The following PTPDC1 variants were observed in gnomAD, a reference collection of about 807,000 sequenced individuals.
The protein encoded by PTPDC1 is protein tyrosine phosphatase domain containing 1, also known as protein tyrosine phosphatase domain-containing protein 1.
PTPDC1 carries 53 observed loss-of-function variants against 75.3 expected under a neutral mutation model. The observed-to-expected ratio is 0.70, with a 90% CI of 0.56 to 0.88. The LOEUF (loss-of-function observed/expected upper bound fraction) is 0.88. Among genes scored for constraint, PTPDC1 ranks in the 40% least tolerant of loss-of-function variants. The pLI is 0.00. For missense variants in PTPDC1, 925 were observed against 998.6 expected, an observed-to-expected ratio of 0.93 and a Z score of 0.99; for synonymous variants, 349 against 366.2, an observed-to-expected ratio of 0.95 and a Z score of 0.54.
chr9:94,095,269 CATTA>C (rs769354970), intron 4 of PTPDC1, 44 bp from the exon 5 acceptor site: 4 of 1,486,136 alleles, frequency 2.7e-6, no homozygotes, highest in Non-Finnish European at 3.7e-6. Context: ...TTTGTACTTT[CATTA>C]ATTTCCTGTA....
chr9:94,049,647 T>C (rs1286707134), intron 1 of PTPDC1, among the ~76,000 whole-genome samples: 2 of 152,194 alleles, frequency 1.3e-5, no homozygotes, highest in African/African-American at 4.8e-5. Flanking sequence ...GCCCTTAACA[T>C]TTTTTCCTTC....
rs550436568 is a variant in PTPDC1, at chr9:94,062,073, C to A, written c.-6-2661C>A. On this transcript the variant is annotated intron_variant, in intron 1 of 9. Coordinates refer to the PTPDC1 transcript ENST00000375360. ...TCATGTCTTTGCTCATGCATATGAG[C>A]ATAGGCTTTTAGAAGCAGCCGGGTG... Among the ~76,000 whole-genome samples the A allele has an allele frequency of 3.9e-5, 6 of 152,296 alleles. No homozygotes were observed. The South Asian group carries it at 1.2e-3, about 32-fold the overall frequency.
At chr9:94,042,256 T>A (rs1226698271) in intron 1 of PTPDC1, among the ~76,000 whole-genome samples, 1 of 152,212 alleles carries the variant, frequency 6.6e-6, no homozygotes, top group Non-Finnish European at 1.5e-5. Flanking sequence ...TTTTTGTTGT[T>A]GTTGCTTTCT....
chr9:94,089,194 G>T (rs867234982), intron 4 of PTPDC1, among the ~76,000 whole-genome samples: 2 of 140,898 alleles, frequency 1.4e-5, no homozygotes, highest in African/African-American at 2.6e-5. Flanking sequence ...TCGTCATCTA[G>T]CATTAGGTAT....
chr9:94,079,023 A>G (rs1400084946), intron 2 of PTPDC1, among the ~76,000 whole-genome samples: 1 of 152,106 alleles, frequency 6.6e-6, no homozygotes, highest in East Asian at 1.9e-4. Flanking sequence ...TTTTCTGTGT[A>G]TAGGTCATAC....
Position 94,085,367 on chromosome 9 carries a change from A to T in PTPDC1, c.361A>T (p.Asn121Tyr). Reference sequence around the variant, plus strand: ...TGGCGGTAGAGCTTGCAAGTATGAGAACCCAGCCCGCTGGAGTGAGCAGGA... The same window carrying T: ...TGGCGGTAGAGCTTGCAAGTATGAGTACCCAGCCCGCTGGAGTGAGCAGGA... ...ACGGRACKYE[N>Y]PARWSEQEQA... is the part of the protein sequence containing the mutation. The change falls in exon 2 of 9, where the codon AAC becomes TAC. Residue 121 changes from asparagine to tyrosine, a missense_variant. Asn to Tyr is a moderately radical substitution (Grantham distance 143). Coordinates refer to ENST00000620992, the MANE Select transcript of PTPDC1 (RefSeq NM_001253829.2). 6.2e-7 allele frequency: 1 copy of T among 1,614,210 alleles called. No individual in the cohort carries two copies. Among genetic ancestry groups the T allele is most frequent in the Non-Finnish European group, 8.5e-7 (1 of 1,180,030 alleles).
At chr9:94,096,535 A>G (rs1292438962) in intron 5 of PTPDC1, among the ~76,000 whole-genome samples, 1 of 152,152 alleles carries the variant, frequency 6.6e-6, no homozygotes, top group Admixed American at 6.5e-5. Context: ...ATTGACTGTT[A>G]TATTTGAATT....
In PTPDC1 at chr9:94,098,357, G is replaced by T. The variant is rs1827697737; in HGVS notation, c.1791G>T (p.Arg597Ser). 6.2e-7 allele frequency: 1 copy of T among 1,614,160 alleles called. No homozygotes were observed. The change falls in exon 6 of 9, where the codon AGG becomes AGT. Residue 597 changes from arginine (R) to serine (S), a missense_variant. By Grantham distance (110) the Arg-to-Ser change is moderately radical (BLOSUM62 -1). Coordinates refer to ENST00000620992, the MANE Select transcript of PTPDC1 (RefSeq NM_001253829.2). Reference sequence around the variant, plus strand: ...CTGGCTCTGTCAGGCAGAACAGCAGGACACCCCGAAGCCCTCTGGACTGTG... The same window carrying T: ...CTGGCTCTGTCAGGCAGAACAGCAGTACACCCCGAAGCCCTCTGGACTGTG... Reference protein sequence around the residue: ...GSPGSVRQNSRTPRSPLDCGS... With the variant: ...GSPGSVRQNSSTPRSPLDCGS...
At chr9:94,058,489 A>G (rs111600772) in intron 1 of PTPDC1, among the ~76,000 whole-genome samples, 25,319 of 151,622 alleles carry the variant, frequency 0.17, 2,418 homozygotes, top group Non-Finnish European at 0.22. Context: ...ACTTGAAGTC[A>G]GGAGTTCCAG....
intron 5 of PTPDC1, among the ~76,000 whole-genome samples, chr9:94,095,842 C>T (rs903954851): frequency 4.0e-5 from 6 of 151,776 alleles, no homozygotes; most frequent in Non-Finnish European, 2.9e-5. Context: ...TTTGAAATAC[C>T]GTAAACAGGT....
chr9:94,092,034 G>A (rs1208517371), intron 4 of PTPDC1, among the ~76,000 whole-genome samples: 2 of 148,632 alleles, frequency 1.3e-5, no homozygotes, highest in African/African-American at 5.1e-5. Flanking sequence ...CAAAAAACAA[G>A]CTCCTGGATT....
chr9:94,101,634 C>G lies in PTPDC1; in HGVS notation c.2082C>G (p.Cys694Trp). The change falls in exon 7 of 9, where the codon TGC becomes TGG. Residue 694 changes from cysteine to tryptophan, a missense_variant. Coordinates refer to ENST00000620992, the MANE Select transcript of PTPDC1 (RefSeq NM_001253829.2). Reference protein sequence around the residue: ...ICGERDPFILCSLMWSWVEQL... With the variant: ...ICGERDPFILWSLMWSWVEQL... ...GCGAGAGGGACCCTTTCATCCTATG[C>G]AGCTTGATGTGGTCTTGGGTGGAGC... The G allele has an allele frequency of 6.2e-7, 1 of 1,613,818 alleles. No individual in the cohort carries two copies. The highest frequency in any genetic ancestry group is 8.5e-7 in the Non-Finnish European group (1 of 1,179,824).
chr9:94,091,700 A>C (rs997926879), intron 4 of PTPDC1, among the ~76,000 whole-genome samples: 1 of 152,134 alleles, frequency 6.6e-6, no homozygotes, highest in African/African-American at 2.4e-5. Flanking sequence ...TCGGCTGTGA[A>C]TCCATCTGGT....
intron 8 of PTPDC1, 26 bp downstream of exon 8, chr9:94,104,411 C>G (rs375168083): frequency 4.3e-5 from 61 of 1,426,912 alleles, no homozygotes; most frequent in Non-Finnish European, 5.9e-5. Context: ...CCTTTCCCCT[C>G]TCTGAACCAC....
upstream of PTPDC1, among the ~76,000 whole-genome samples, chr9:94,080,441 A>G (rs115354855): frequency 1.4e-3 from 218 of 152,310 alleles, 3 homozygotes; most frequent in African/African-American, 5.1e-3. Context: ...TATAGATGTA[A>G]AGTGTGATAA....
intron 6 of PTPDC1, 110 bp from the exon 7 acceptor site, chr9:94,101,456 T>G: frequency 1.3e-6 from 1 of 749,472 alleles, no homozygotes; most frequent in East Asian, 2.7e-5. Context: ...GGAGCCTGAG[T>G]CTTTCACTCT....
Position 94,088,215 on chromosome 9 carries a change from C to G in PTPDC1, c.568C>G (p.Gln190Glu). The G allele has an allele frequency of 1.2e-6, 2 of 1,613,948 alleles. No homozygotes were observed. The highest frequency in any genetic ancestry group is 1.7e-6 in the Non-Finnish European group (2 of 1,179,946). ...TGCTAGCTGTGGGAACCCTCTGGAACAAGAAAGTGGCTTCACATACCTTCC... is the reference window on the plus strand; with the variant it reads ...TGCTAGCTGTGGGAACCCTCTGGAAGAAGAAAGTGGCTTCACATACCTTCC... The part of the protein sequence containing the change: ...EHASCGNPLE[Q>E]ESGFTYLPEA... Residue 190 changes from glutamine (Q) to glutamate (E), a missense_variant, in exon 4 of 9, where the codon CAA becomes GAA. Gln to Glu is a conservative substitution (Grantham distance 29). Transcript: ENST00000620992.
At chr9:94,038,000 C>T (rs1825323102) in intron 1 of PTPDC1, 4 of 333,600 alleles carry the variant, frequency 1.2e-5, no homozygotes, top group East Asian at 7.3e-5. Flanking sequence ...TAGGAACCTT[C>T]GTTGCGCCAG....
intron 7 of PTPDC1, among the ~76,000 whole-genome samples, chr9:94,102,072 TATAAC>T (rs1169354019): frequency 2.0e-5 from 3 of 152,202 alleles, no homozygotes; most frequent in African/African-American, 4.8e-5. Context: ...TGCTTAAAGT[TATAAC>T]ATAGCTATTT....
Sources: allele counts gnomAD v4.1 joint callset (sites outside exome capture counted in the v4.1 genomes callset), GRCh38; gene constraint gnomAD v4.1.1; transcripts MANE v1.5; gene names NCBI Gene and HGNC (gene_info 2026-07-23, HGNC 2026-07-21).